Variants in SYNE2 observed in about 807,000 individuals in gnomAD.
SYNE2 encodes spectrin repeat containing nuclear envelope protein 2.
Under a neutral mutation model 856.3 loss-of-function variants are expected in SYNE2, and 431 were observed. The observed-to-expected ratio is 0.50, with a 90% CI of 0.47 to 0.55. The LOEUF (loss-of-function observed/expected upper bound fraction) is 0.55. SYNE2 is among the 20% of genes least tolerant of loss of function. The pLI, the probability that SYNE2 is intolerant of heterozygous loss-of-function variation, is 0.00. For synonymous variants in SYNE2, 2,923 were observed against 2,872.3 expected, an observed-to-expected ratio of 1.02 and a Z score of -0.56; for missense variants, 8,129 against 8,023.2, an observed-to-expected ratio of 1.01 and a Z score of -0.50.
chr14:63,984,810 A>G (rs1025170092), intron 18 of SYNE2, among the ~76,000 whole-genome samples: 2 of 152,116 alleles, frequency 1.3e-5, no homozygotes, highest in African/African-American at 4.8e-5. Context: ...GAAAATCTGG[A>G]AAGATCTGAA....
At chr14:64,092,874 GGACCGGGAAAACCCATCATCACT>G (rs1265784251) in intron 60 of SYNE2, among the ~76,000 whole-genome samples, 1 of 152,152 alleles carries the variant, frequency 6.6e-6, no homozygotes, top group Non-Finnish European at 1.5e-5. Context: ...AGATGAGTCT[GGACCGGGAAAACCCATCATCACT>G]GACCTCACAT....
At chr14:63,918,623 A>G (rs2095559954) in intron 2 of SYNE2, among the ~76,000 whole-genome samples, 1 of 152,344 alleles carries the variant, frequency 6.6e-6, no homozygotes, top group South Asian at 2.1e-4. Flanking sequence ...TTGGGCGAGC[A>G]TGGGAGGGAA....
intron 1 of SYNE2, among the ~76,000 whole-genome samples, chr14:63,776,502 T>C (rs751118839): frequency 6.8e-4 from 104 of 152,094 alleles, no homozygotes; most frequent in Admixed American, 5.9e-4. Context: ...TAGAAAGAAA[T>C]CAGAGGAGTA....
intron 67 of SYNE2, among the ~76,000 whole-genome samples, chr14:64,119,954 C>T (rs2097885624): frequency 1.3e-5 from 2 of 152,154 alleles, no homozygotes; most frequent in African/African-American, 4.8e-5. Context: ...GACTGGAAAA[C>T]AAAGCTTTCA....
At chr14:63,976,995 G>A (rs1257853887) in intron 12 of SYNE2, among the ~76,000 whole-genome samples, 1 of 143,414 alleles carries the variant, frequency 7.0e-6, no homozygotes, top group Non-Finnish European at 1.5e-5. Flanking sequence ...AAAAAAAAAA[G>A]GTCAAGGGGT....
At chr14:63,854,880 A>G (rs1386355713) in intron 1 of SYNE2, among the ~76,000 whole-genome samples, 1 of 152,268 alleles carries the variant, frequency 6.6e-6, no homozygotes, top group East Asian at 1.9e-4. Flanking sequence ...TGTAAAATTT[A>G]AAAACTGAAT....
intron 76 of SYNE2, 21 bp downstream of exon 76, chr14:64,130,269 G>A (rs750530116): frequency 9.4e-6 from 15 of 1,595,606 alleles, no homozygotes; most frequent in African/African-American, 4.0e-5. Context: ...CACATGGGTC[G>A]GGTGACCCCT....
At chr14:63,817,370 G>A (rs1889033521) in intron 1 of SYNE2, among the ~76,000 whole-genome samples, 1 of 152,222 alleles carries the variant, frequency 6.6e-6, no homozygotes, top group South Asian at 2.1e-4. Flanking sequence ...AGGAGGCTGT[G>A]ATGGGAGGAT....
chr14:64,048,660 C>T (rs1044533209), intron 46 of SYNE2: 2 of 153,832 alleles, frequency 1.3e-5, no homozygotes, highest in African/African-American at 2.4e-5. Flanking sequence ...GTTATCCCAG[C>T]ACTTTGGGAG....
chr14:64,168,526 A>C (rs2098394436), intron 92 of SYNE2, among the ~76,000 whole-genome samples: 1 of 152,120 alleles, frequency 6.6e-6, no homozygotes, highest in Non-Finnish European at 1.5e-5. Context: ...AAGTTACTGA[A>C]CCTCTTTATA....
At chr14:64,103,242 A>G (rs1206876899) in intron 64 of SYNE2, among the ~76,000 whole-genome samples, 1 of 152,168 alleles carries the variant, frequency 6.6e-6, no homozygotes, top group Admixed American at 6.5e-5. Flanking sequence ...CAAACTGACC[A>G]AACAGATACC....
chr14:63,888,245 G>C (rs923423292), intron 1 of SYNE2, among the ~76,000 whole-genome samples: 2 of 152,176 alleles, frequency 1.3e-5, no homozygotes, highest in African/African-American at 4.8e-5. Context: ...GTGATTCTAC[G>C]ACATGGTATT....
At chr14:63,998,379 A>T (rs1394600442) in intron 26 of SYNE2, 51 bp downstream of exon 26, 3 of 1,216,522 alleles carry the variant, frequency 2.5e-6, no homozygotes, top group Admixed American at 3.4e-5. Context: ...TCTTTCATCG[A>T]TGCAAACATG....
At chr14:63,922,783 C>T (rs1042159007) in intron 2 of SYNE2, among the ~76,000 whole-genome samples, 4 of 152,142 alleles carry the variant, frequency 2.6e-5, no homozygotes, top group Non-Finnish European at 4.4e-5. Flanking sequence ...ACAAGTATTT[C>T]ACAAAGTGAG....
chr14:63,867,697 C>CA (rs949763525), intron 1 of SYNE2, among the ~76,000 whole-genome samples: 1 of 149,256 alleles, frequency 6.7e-6, no homozygotes, highest in African/African-American at 2.5e-5. Context: ...GACTCTGTCT[C>CA]AAAAAAAGAA....
chr14:64,095,835 GA>G (rs2097672265), intron 61 of SYNE2, among the ~76,000 whole-genome samples: 1 of 151,978 alleles, frequency 6.6e-6, no homozygotes, highest in South Asian at 2.1e-4. Flanking sequence ...TGTTCATGTT[GA>G]AACTTAATCA....
chr14:63,925,446 A>C (rs1202597533), intron 2 of SYNE2, among the ~76,000 whole-genome samples: 1 of 152,212 alleles, frequency 6.6e-6, no homozygotes, highest in Non-Finnish European at 1.5e-5. Context: ...TAGACATGCA[A>C]TGCATAATAA....
chr14:64,085,735 G>A (rs1381010120), intron 57 of SYNE2, among the ~76,000 whole-genome samples: 1 of 151,918 alleles, frequency 6.6e-6, no homozygotes, highest in Non-Finnish European at 1.5e-5. Flanking sequence ...ATTTCATTGT[G>A]GTTTAAACAG....
chr14:64,062,099 G>A (rs1194113341), intron 49 of SYNE2, among the ~76,000 whole-genome samples: 1 of 151,976 alleles, frequency 6.6e-6, no homozygotes, highest in Admixed American at 6.5e-5. Context: ...AAATATATAT[G>A]CTATATATAA....
Sources: gnomAD v4.1 joint callset for allele counts (sites outside exome capture counted in the v4.1 genomes callset) on GRCh38, gnomAD v4.1.1 for gene constraint, MANE v1.5 for transcripts, NCBI Gene and HGNC (gene_info 2026-07-23, HGNC 2026-07-21) for gene names.